RNF212: variants seen among roughly 807,000 people sequenced by gnomAD.
RNF212 encodes the protein probable E3 SUMO-protein ligase RNF212.
In RNF212, 33 loss-of-function variants were observed where a neutral mutation model predicts 34.7. The observed-to-expected ratio is 0.95, with a 90% CI of 0.72 to 1.27. RNF212 has a LOEUF of 1.27. Ranked by LOEUF, RNF212 falls within the 50% of genes most tolerant of loss-of-function variation. The pLI, the probability that RNF212 is intolerant of heterozygous loss-of-function variation, is 0.00. For synonymous variants in RNF212, 140 were observed against 136.1 expected (o/e 1.03, Z -0.20); for missense variants, 377 against 362.2 (o/e 1.04, Z -0.33).
chr4:1,075,053 C>T (rs1719057717), intron 8 of RNF212, among the ~76,000 whole-genome samples: 1 of 152,184 alleles, frequency 6.6e-6, no homozygotes, highest in African/African-American at 2.4e-5. Context: ...GTGTCTTTCC[C>T]CGTCCTGGTG....
rs930619470 is a variant in RNF212 at position 1,071,588 on chromosome 4, A to C, written c.*1286T>G. The C allele has an allele frequency of 6.6e-6, 1 of 152,264 alleles. No individual in the cohort carries two copies. The highest frequency in any genetic ancestry group is 2.4e-5 in the African/African-American group (1 of 41,480). 9.4% of individuals were successfully genotyped at this position (152,264 alleles called of 1,614,324 possible). ...CACAGGACTCTTAAAACTCAACAAT[A>C]AGAAAACAATCCAATTAAAAAATGG... is the stretch of plus-strand genomic sequence containing the variant. On this transcript the variant is annotated 3_prime_UTR_variant, in exon 10 of 10. Transcript: ENST00000433731.
At position 1,096,828 on chromosome 4, in the gene RNF212, A is replaced by G. The variant is rs752959828; in HGVS notation, c.183T>C (p.Asp61=). The G allele has an allele frequency of 6.2e-7, 1 of 1,610,248 alleles. No homozygotes were observed. Among genetic ancestry groups the G allele is most frequent in the South Asian group, 1.1e-5 (1 of 90,994 alleles). Reference sequence around the variant, plus strand: ...CTATGCTCATGAAGAATGCCTGGATATCTGCGTCGGTCTGAAAGAGAAAGA... The same window carrying G: ...CTATGCTCATGAAGAATGCCTGGATGTCTGCGTCGGTCTGAAAGAGAAAGA... ...TVLLSKHTDA[D]IQAFFMSIDS... The change falls in exon 3 of 10, where the codon GAT becomes GAC. Residue 61 remains aspartate, a synonymous_variant. Transcript: ENST00000433731.
intron 1 of RNF212, among the ~76,000 whole-genome samples, chr4:1,109,084 T>C (rs1270549323): frequency 6.7e-6 from 1 of 149,842 alleles, no homozygotes; most frequent in Non-Finnish European, 1.5e-5. Flanking sequence ...CTTGGCTCAC[T>C]GCAACCTCCA....
chr4:1,089,294 T>C (rs540695405), intron 4 of RNF212, among the ~76,000 whole-genome samples: 1 of 152,322 alleles, frequency 6.6e-6, no homozygotes, highest in African/African-American at 2.4e-5. Context: ...AAAGGATAAA[T>C]TTAAGATTTA....
At chr4:1,086,773 G>A (rs575400148) in intron 4 of RNF212, among the ~76,000 whole-genome samples, 8 of 9,590 alleles carry the variant, frequency 8.3e-4, no homozygotes, top group African/African-American at 4.6e-3. Flanking sequence ...AGGGGTGGAA[G>A]GACAGGGGTG....
intron 5 of RNF212, 141 bp downstream of exon 5, chr4:1,085,755 A>C: frequency 1.5e-6 from 1 of 683,936 alleles, no homozygotes; most frequent in Non-Finnish European, 2.6e-6. Flanking sequence ...TTTTGCTCTG[A>C]TGAAAGTTTC....
chr4:1,058,862 G>C (rs1262239666), intron 3 of RNF212, among the ~76,000 whole-genome samples: 2 of 152,184 alleles, frequency 1.3e-5, no homozygotes, highest in East Asian at 3.9e-4. Context: ...TACTCAATGA[G>C]CATCTGGAGC....
At chr4:1,070,370 T>A (rs1488943901), downstream of RNF212, among the ~76,000 whole-genome samples, 1 of 148,714 alleles carries the variant, frequency 6.7e-6, no homozygotes, top group Non-Finnish European at 1.5e-5. Flanking sequence ...GGCTGTGCTG[T>A]GTCAGCGTGG....
rs556982518 is a variant in RNF212, at chr4:1,066,089, G to GT, written n.147+7509dup. 8.4e-3 allele frequency among the ~76,000 whole-genome samples: 1,185 copies of GT among 140,272 alleles called. 13 individuals carry two copies. The highest frequency in any genetic ancestry group is 0.04 in the East Asian group (193 of 4,778). 92.0% of individuals were successfully genotyped at this position (140,272 alleles called of 152,430 possible). A position where few individuals can be genotyped will look rare whatever the true frequency, so the allele number is the denominator to read the frequency against. Reference sequence around the variant, plus strand: ...CATCCTAATGAGATACTATCTTGCTGTTTTTTTTTTTTCTCTGTAGATGAG... The same window carrying GT: ...CATCCTAATGAGATACTATCTTGCTGTTTTTTTTTTTTTCTCTGTAGATGAG... On this transcript the variant is annotated intron_variant and non_coding_transcript_variant, in intron 3 of 4. Coordinates refer to the RNF212 transcript ENST00000503206.
In RNF212 at chr4:1,086,006, A is replaced by G. The variant is rs778542114; in HGVS notation, c.304-52T>C. 13 of 1,293,298 alleles carry G rather than the reference A, an allele frequency of 1.0e-5. No individual in the cohort carries two copies. The Middle Eastern group carries it at 7.2e-4, about 72-fold the overall frequency. 80.1% of individuals were successfully genotyped at this position (1,293,298 alleles called of 1,614,324 possible). On this transcript the variant is annotated intron_variant, in intron 4 of 9. Coordinates refer to ENST00000433731, the MANE Select transcript of RNF212 (RefSeq NM_001131034.4). ...TATCAGACAGGCTATGCTGAGTGAC[A>G]TGTGACCCTCTAAATTTCTTAAACC...
intron 8 of RNF212, among the ~76,000 whole-genome samples, chr4:1,075,113 T>G (rs554542736): frequency 6.6e-6 from 1 of 152,336 alleles, no homozygotes; most frequent in Non-Finnish European, 1.5e-5. Flanking sequence ...ACCTTTCTTG[T>G]AAATGGGCCA....
chr4:1,074,061 A>C (rs1453991530), intron 8 of RNF212, among the ~76,000 whole-genome samples: 1 of 152,170 alleles, frequency 6.6e-6, no homozygotes. Context: ...GACAGGTTGG[A>C]GCTAATGCTG....
chr4:1,069,204 G>C (rs6835418), downstream of RNF212, among the ~76,000 whole-genome samples: 122,713 of 151,386 alleles, frequency 0.81, 50,435 homozygotes, highest in African/African-American at 0.94. Flanking sequence ...GAGCAAGATT[G>C]TGTCTCAAAA....
intron 3 of RNF212, among the ~76,000 whole-genome samples, chr4:1,062,950 T>C (rs1188887038): frequency 6.6e-6 from 1 of 152,222 alleles, no homozygotes. Context: ...AACAATTCTA[T>C]TTATAGTAGC....
At chr4:1,088,838 C>G (rs1024771667) in intron 4 of RNF212, among the ~76,000 whole-genome samples, 3 of 152,348 alleles carry the variant, frequency 2.0e-5, no homozygotes, top group Admixed American at 6.5e-5. Flanking sequence ...AAACCCCAAG[C>G]ATTGGCGGCT....
chr4:1,093,931 A>C, intron 3 of RNF212: 1 of 1,535,960 alleles, frequency 6.5e-7, no homozygotes, highest in Non-Finnish European at 8.7e-7. Context: ...CTTGGCTTCC[A>C]TGGGTCGAGC....
intron 3 of RNF212, among the ~76,000 whole-genome samples, chr4:1,095,186 G>A (rs374588813): frequency 9.0e-6 from 1 of 110,772 alleles, no homozygotes; most frequent in Non-Finnish European, 1.7e-5. Flanking sequence ...TCGGGATAGC[G>A]CACCTGGCTC....
At chr4:1,075,939 G>T (rs1223274673) in intron 8 of RNF212, among the ~76,000 whole-genome samples, 1 of 152,188 alleles carries the variant, frequency 6.6e-6, no homozygotes, top group Non-Finnish European at 1.5e-5. Flanking sequence ...TAGGATTACA[G>T]GCGTGAGGTA....
At chr4:1,085,684 T>G in intron 5 of RNF212, 1 of 583,236 alleles carries the variant, frequency 1.7e-6, no homozygotes, top group Non-Finnish European at 3.0e-6. Context: ...GGGAAACCAT[T>G]CATCTCTTTT....
Sources: allele counts gnomAD v4.1 joint callset (sites outside exome capture counted in the v4.1 genomes callset), GRCh38; gene constraint gnomAD v4.1.1; transcripts MANE v1.5; gene names NCBI Gene and HGNC (gene_info 2026-07-23, HGNC 2026-07-21).